Variants in SHANK2 observed in about 807,000 individuals in gnomAD.
SHANK2 encodes the protein SH3 and multiple ankyrin repeat domains 2.
In SHANK2, 43 loss-of-function variants were observed where a neutral mutation model predicts 133.7. The observed-to-expected ratio is 0.32, with a 90% CI of 0.25 to 0.41. The LOEUF (loss-of-function observed/expected upper bound fraction) is 0.41, where lower values mean the gene tolerates loss of function less well. Ranked by LOEUF, SHANK2 falls within the 10% of genes least tolerant of loss-of-function variation. SHANK2 has a pLI of 1.00. For missense variants in SHANK2, 1,994 were observed against 2,235.8 expected (o/e 0.89, Z 2.18); for synonymous variants, 1,017 against 952.8 (o/e 1.07, Z -1.24).
At chr11:70,583,092 G>T (rs782685231) in intron 17 of SHANK2, among the ~76,000 whole-genome samples, 19 of 152,172 alleles carry the variant, frequency 1.2e-4, no homozygotes, top group Non-Finnish European at 1.0e-4. Context: ...TCTGCATGGT[G>T]CCTGGCCCTG....
At position 70,487,633 on chromosome 11, in the gene SHANK2, A is replaced by T; in HGVS notation, c.2660T>A (p.Ile887Asn). ...SLSMPDTSED[I>N]PPPPQSVPPS... Reference sequence around the variant, plus strand: ...GGGCACAGACTGCGGTGGAGGGGGGATGTCCTCAGAGGTGTCCGGCATGGA... The same window carrying T: ...GGGCACAGACTGCGGTGGAGGGGGGTTGTCCTCAGAGGTGTCCGGCATGGA... The change falls in exon 25 of 26, where the codon ATC (isoleucine) becomes AAC (asparagine). Residue 887 changes from isoleucine (I) to asparagine (N), a missense_variant. Around this residue, in one of 5 missense-constraint regions of SHANK2, gnomAD observed 488 missense variants for 642.6 expected, o/e 0.76. Transcript: ENST00000601538. This position sits in a 1 kb window ranked among gnomAD's most constrained non-coding sequence, Gnocchi z 5.8. 6.2e-7 allele frequency: 1 copy of T among 1,603,402 alleles called. No homozygotes were observed. The highest frequency in any genetic ancestry group is 8.5e-7 in the Non-Finnish European group (1 of 1,174,958).
chr11:70,751,041 G>C (rs1946740606), intron 14 of SHANK2, among the ~76,000 whole-genome samples: 1 of 150,326 alleles, frequency 6.7e-6, no homozygotes, highest in African/African-American at 2.4e-5. Flanking sequence ...CAATACAAAT[G>C]AAAAAAAAAT....
intron 2 of SHANK2, among the ~76,000 whole-genome samples, chr11:71,210,250 A>ATATATATATATATT (rs1353494730): frequency 7.3e-4 from 62 of 85,418 alleles, no homozygotes; most frequent in African/African-American, 1.6e-3. Flanking sequence ...ATATATATAT[A>ATATATATATATATT]TATTTATTTA....
chr11:70,715,148 G>T (rs1945881926), intron 14 of SHANK2, among the ~76,000 whole-genome samples: 1 of 152,154 alleles, frequency 6.6e-6, no homozygotes, highest in South Asian at 2.1e-4. Context: ...GAGGTGAGTG[G>T]TGCCCTGTAG....
intron 17 of SHANK2, among the ~76,000 whole-genome samples, chr11:70,655,166 T>C (rs1248471566): frequency 2.0e-5 from 3 of 152,254 alleles, no homozygotes; most frequent in Non-Finnish European, 4.4e-5. Context: ...TGAAAACATT[T>C]ATGGCAACTT....
intron 14 of SHANK2, among the ~76,000 whole-genome samples, chr11:70,797,713 C>T (rs1173119120): frequency 3.9e-5 from 6 of 152,162 alleles, no homozygotes; most frequent in African/African-American, 9.7e-5. Context: ...CCGCAGCGTC[C>T]GTGGCCACTT....
intron 21 of SHANK2, among the ~76,000 whole-genome samples, chr11:70,498,396 T>C (rs1221443780): frequency 2.0e-5 from 3 of 152,204 alleles, no homozygotes; most frequent in Non-Finnish European, 4.4e-5. Flanking sequence ...TGGACCCTGG[T>C]GGACTGGTCC....
At chr11:70,616,987 TTG>T (rs1194900959) in intron 17 of SHANK2, among the ~76,000 whole-genome samples, 5 of 152,072 alleles carry the variant, frequency 3.3e-5, no homozygotes, top group African/African-American at 9.7e-5. Context: ...TGAGAGTGTG[TTG>T]TGTGTCACTG....
Position 70,500,562 on chromosome 11 carries a change from T to A in SHANK2, c.2308+8A>T, listed in dbSNP as rs1315544746. 12 of 1,602,398 alleles carry A rather than the reference T, an allele frequency of 7.5e-6. No individual in the cohort carries two copies. The highest frequency in any genetic ancestry group is 1.0e-5 in the Non-Finnish European group (12 of 1,174,794). On this transcript the variant is annotated splice_region_variant and intron_variant, in intron 21 of 25. Transcript: ENST00000601538. This position sits in a 1 kb window ranked among gnomAD's most constrained non-coding sequence, Gnocchi z 4.5. ...AGGGGGCTGAGACAGACACTGGGCC[T>A]CCCTTACCCTTCTTCTTCCGGACCG...
At chr11:70,678,305 G>A (rs1475072132) in intron 15 of SHANK2, among the ~76,000 whole-genome samples, 1 of 151,894 alleles carries the variant, frequency 6.6e-6, no homozygotes, top group Non-Finnish European at 1.5e-5. Context: ...ACCAGGCCCA[G>A]CTAATTTTTG....
intron 11 of SHANK2, among the ~76,000 whole-genome samples, chr11:70,886,066 C>G (rs1231496947): frequency 6.6e-6 from 1 of 152,184 alleles, no homozygotes; most frequent in Non-Finnish European, 1.5e-5. Flanking sequence ...CGGATGAAAC[C>G]AGCAGCCCGG....
intron 14 of SHANK2, among the ~76,000 whole-genome samples, chr11:70,719,190 G>A (rs892564437): frequency 1.3e-5 from 2 of 152,178 alleles, no homozygotes; most frequent in African/African-American, 4.8e-5. Flanking sequence ...TTTGATTCCC[G>A]TTAGCCCACC....
chr11:70,549,083 T>A (rs1441613130), intron 17 of SHANK2, among the ~76,000 whole-genome samples: 1 of 152,030 alleles, frequency 6.6e-6, no homozygotes, highest in African/African-American at 2.4e-5. Flanking sequence ...AGCCACAGGG[T>A]CTGTGGGACG....
chr11:70,855,170 G>A (rs1949150417), intron 11 of SHANK2, among the ~76,000 whole-genome samples: 1 of 152,184 alleles, frequency 6.6e-6, no homozygotes, highest in African/African-American at 2.4e-5. Flanking sequence ...TCATGATGAG[G>A]GATAATTAAA....
At chr11:70,861,133 G>A (rs1307131919) in intron 11 of SHANK2, among the ~76,000 whole-genome samples, 1 of 152,144 alleles carries the variant, frequency 6.6e-6, no homozygotes, top group Admixed American at 6.5e-5. Context: ...TTTTAATCAG[G>A]CCCAGGTTAG....
chr11:70,562,820 T>C (rs1472272343), intron 17 of SHANK2, among the ~76,000 whole-genome samples: 1 of 152,222 alleles, frequency 6.6e-6, no homozygotes, highest in Non-Finnish European at 1.5e-5. Context: ...CTTGTATATT[T>C]TGCCCACCCC....
chr11:70,803,651 G>A (rs1182461039), intron 13 of SHANK2, among the ~76,000 whole-genome samples: 2 of 152,026 alleles, frequency 1.3e-5, no homozygotes, highest in Non-Finnish European at 2.9e-5. Context: ...TCAGATGCAG[G>A]GACTTCGGGA....
chr11:70,575,397 T>C (rs1347236967), intron 17 of SHANK2, among the ~76,000 whole-genome samples: 7 of 151,266 alleles, frequency 4.6e-5, no homozygotes, highest in Non-Finnish European at 1.0e-4. Flanking sequence ...TGGGTGCCTG[T>C]AATCCCAGCT....
At chr11:71,155,341 T>C (rs1590968708) in intron 2 of SHANK2, among the ~76,000 whole-genome samples, 1 of 81,530 alleles carries the variant, frequency 1.2e-5, no homozygotes, top group African/African-American at 4.8e-5. Flanking sequence ...CAGCCCACGC[T>C]CCCAGAGAGG....
Sources: allele counts gnomAD v4.1 joint callset (sites outside exome capture counted in the v4.1 genomes callset), GRCh38; gene constraint gnomAD v4.1.1; regional missense constraint gnomAD v4.1.1; non-coding constraint Gnocchi (gnomAD v3.1); transcripts MANE v1.5; gene names NCBI Gene and HGNC (gene_info 2026-07-23, HGNC 2026-07-21).